The following DAP3 variants were observed in gnomAD, a reference collection of about 807,000 sequenced individuals.
DAP3 encodes small ribosomal subunit protein mS29.
Under a neutral mutation model 51.9 loss-of-function variants are expected in DAP3, and 28 were observed. The observed-to-expected ratio is 0.54, with a 90% CI of 0.40 to 0.74. The LOEUF is 0.74. Ranked by LOEUF, DAP3 falls within the 30% of genes least tolerant of loss-of-function variation. The probability of loss-of-function intolerance (pLI) is 0.00; values close to 1 mark genes in which losing one functional copy is unlikely to be tolerated. For missense variants in DAP3, 458 were observed against 483.5 expected (o/e 0.95, Z 0.49); for synonymous variants, 170 against 170.3 (o/e 1.00, Z 0.01).
chr1:155,704,349 C>T (rs1460442634), intron 1 of DAP3, among the ~76,000 whole-genome samples: 2 of 152,172 alleles, frequency 1.3e-5, no homozygotes, highest in African/African-American at 4.8e-5. Flanking sequence ...GCTCCAGTGT[C>T]CACAGGCACG....
intron 4 of DAP3, among the ~76,000 whole-genome samples, chr1:155,723,294 C>T (rs1299034686): frequency 6.6e-6 from 1 of 152,178 alleles, no homozygotes; most frequent in Non-Finnish European, 1.5e-5. Flanking sequence ...TCTCAAAGTG[C>T]TGGGATTACA....
chr1:155,729,138 C>G lies in DAP3; in HGVS notation c.684+16C>G. 6.2e-7 allele frequency: 1 copy of G among 1,614,112 alleles called. No individual in the cohort carries two copies. The highest frequency in any genetic ancestry group is 1.7e-4 in the Middle Eastern group (1 of 6,056). On this transcript the variant is annotated intron_variant, in intron 8 of 12. Coordinates refer to ENST00000368336, the MANE Select transcript of DAP3 (RefSeq NM_004632.4). Reference sequence around the variant, plus strand: ...GGTTGAACAGGTATAAGAAAAAACACTGAATGTGTAACATGCGATAACAAG... The same window carrying G: ...GGTTGAACAGGTATAAGAAAAAACAGTGAATGTGTAACATGCGATAACAAG...
At chr1:155,722,850 G>A (rs1029371285) in intron 4 of DAP3, among the ~76,000 whole-genome samples, 2 of 152,056 alleles carry the variant, frequency 1.3e-5, no homozygotes, top group African/African-American at 4.8e-5. Context: ...ATCTGCAGTG[G>A]CACTTTAAAC....
In DAP3 at chr1:155,709,777, A is replaced by T. The variant is rs891253244; in HGVS notation, c.-3A>T. ...CTTTTTTTTTTTTTGTAACAGTGCA[A>T]GGATGATGCTGAAAGGAATAACAAG... On this transcript the variant is annotated 5_prime_UTR_variant, in exon 2 of 13. It adds an upstream start codon to the 5' untranslated region. Transcript: ENST00000368336. 6 of 1,612,124 alleles carry T rather than the reference A, an allele frequency of 3.7e-6. No individual in the cohort carries two copies. The African/African-American group carries it at 5.4e-5, about 14-fold the overall frequency.
intron 1 of DAP3, among the ~76,000 whole-genome samples, chr1:155,703,400 A>G (rs1479738284): frequency 6.6e-6 from 1 of 152,208 alleles, no homozygotes; most frequent in Non-Finnish European, 1.5e-5. Flanking sequence ...AGATGTATTC[A>G]CTGTCACATG....
chr1:155,714,119 G>A (rs956778368), intron 2 of DAP3, among the ~76,000 whole-genome samples: 1 of 152,190 alleles, frequency 6.6e-6, no homozygotes, highest in Non-Finnish European at 1.5e-5. Flanking sequence ...TTTCAGCATG[G>A]TCATATGGTT....
intron 1 of DAP3, among the ~76,000 whole-genome samples, chr1:155,700,503 C>G (rs1655057316): frequency 7.8e-6 from 1 of 128,802 alleles, no homozygotes; most frequent in Non-Finnish European, 1.5e-5. Context: ...AATTAGAAAA[C>G]TTGAGGGAGG....
intron 11 of DAP3, among the ~76,000 whole-genome samples, chr1:155,735,035 C>T (rs533269497): frequency 1.4e-5 from 2 of 147,796 alleles, no homozygotes; most frequent in Admixed American, 6.9e-5. Flanking sequence ...GAGGCCGAGG[C>T]GGGCAGATCA....
At chr1:155,695,022 A>T (rs1372204865) in intron 1 of DAP3, among the ~76,000 whole-genome samples, 1 of 152,198 alleles carries the variant, frequency 6.6e-6, no homozygotes, top group Non-Finnish European at 1.5e-5. Flanking sequence ...TCGCTCAACA[A>T]TCGCTTGCCT....
intron 11 of DAP3, among the ~76,000 whole-genome samples, chr1:155,734,298 C>T (rs1313495429): frequency 3.9e-5 from 6 of 152,080 alleles, no homozygotes; most frequent in East Asian, 1.9e-4. Flanking sequence ...GCCTTGAGCA[C>T]ATGCCACCAC....
At position 155,736,992 on chromosome 1, in the gene DAP3, A is replaced by G; in HGVS notation, c.1040A>G (p.Asn347Ser). 6.2e-7 allele frequency: 1 copy of G among 1,614,154 alleles called. No individual in the cohort carries two copies. Among genetic ancestry groups the G allele is most frequent in the Non-Finnish European group, 8.5e-7 (1 of 1,180,012 alleles). The change falls in exon 12 of 13, where the codon AAC (asparagine) becomes AGC (serine). Residue 347 changes from asparagine (N) to serine (S), a missense_variant. Transcript: ENST00000368336. ...LDPFIPILVS[N>S]YNPKEFESCI... ...CCCTTTATTCCCATCCTGGTTTCCA[A>G]CTATAACCCAAAGGAATTTGAAAGT...
At chr1:155,688,713 C>G (rs556204470), upstream of DAP3, 2 of 1,520,914 alleles carry the variant, frequency 1.3e-6, no homozygotes, top group South Asian at 2.4e-5. Flanking sequence ...CTCCCCCTCC[C>G]TCCCCGCCCG....
intron 4 of DAP3, chr1:155,721,952 A>C: frequency 2.6e-6 from 1 of 384,212 alleles, no homozygotes; most frequent in Admixed American, 4.0e-5. Flanking sequence ...TCCTGAGCTA[A>C]ATAGAAGCAA....
intron 3 of DAP3, among the ~76,000 whole-genome samples, chr1:155,719,197 G>C (rs1049357170): frequency 1.3e-5 from 2 of 151,170 alleles, no homozygotes; most frequent in African/African-American, 4.9e-5. Flanking sequence ...TTCTAGACTA[G>C]CCTAGGCAAC....
Position 155,721,838 on chromosome 1 carries a change from T to C in DAP3, c.270+220T>C, listed in dbSNP as rs191601982. On this transcript the variant is annotated intron_variant, in intron 4 of 12. Coordinates refer to ENST00000368336, the MANE Select transcript of DAP3 (RefSeq NM_004632.4). ...CTTGTATAGCCCAAGAAGATTCCAG[T>C]AATTTCAGCATCAAATAACTGTTTT... 5 of 531,052 alleles carry C rather than the reference T, an allele frequency of 9.4e-6. No homozygotes were observed. In the East Asian group the frequency reaches 1.1e-4, roughly 12 times the overall value. The allele number at this position is 531,052 out of a possible 1,614,324, so 32.9% of individuals were successfully genotyped here.
Position 155,733,870 on chromosome 1 carries a change from A to G in DAP3, c.993+1837A>G, listed in dbSNP as rs544169113. ...CAAAAAACAAAAAAACAATTCCTTC[A>G]TGGCCAGGCTTGGTAGCTCACAGCT... is the stretch of plus-strand genomic sequence containing the variant. On this transcript the variant is annotated intron_variant, in intron 11 of 12. Coordinates refer to ENST00000368336, the MANE Select transcript of DAP3 (RefSeq NM_004632.4). Among the ~76,000 whole-genome samples the G allele has an allele frequency of 2.7e-5, 4 of 149,938 alleles. No homozygotes were observed. In the South Asian group the frequency reaches 8.4e-4, roughly 32 times the overall value.
intron 1 of DAP3, among the ~76,000 whole-genome samples, chr1:155,706,745 C>A (rs969827856): frequency 1.3e-5 from 2 of 151,056 alleles, no homozygotes; most frequent in Non-Finnish European, 2.9e-5. Context: ...AAGACTTCAT[C>A]GCAAAATAAA....
At chr1:155,705,171 A>T (rs1419541710) in intron 1 of DAP3, among the ~76,000 whole-genome samples, 1 of 151,992 alleles carries the variant, frequency 6.6e-6, no homozygotes, top group Non-Finnish European at 1.5e-5. Flanking sequence ...CTGTAATTCC[A>T]GCTACTTGGG....
Position 155,714,709 on chromosome 1 carries a change from C to T in DAP3, c.46-2297C>T, listed in dbSNP as rs548822921. On this transcript the variant is annotated intron_variant, in intron 2 of 12. Coordinates refer to ENST00000368336, the MANE Select transcript of DAP3 (RefSeq NM_004632.4). ...GGCAGAGGTTGTAGTGAGCTGAGAT[C>T]ATGCCATTGCATCCCAGCCTGGGCG... Among the ~76,000 whole-genome samples, 5 of 152,234 alleles carry T rather than the reference C, an allele frequency of 3.3e-5. No individual in the cohort carries two copies. The South Asian group carries it at 1.0e-3, about 32-fold the overall frequency.
Sources: gnomAD v4.1 joint callset for allele counts (sites outside exome capture counted in the v4.1 genomes callset) on GRCh38, gnomAD v4.1.1 for gene constraint, MANE v1.5 for transcripts, NCBI Gene and HGNC (gene_info 2026-07-23, HGNC 2026-07-21) for gene names.